Variants in KCNQ5 observed in about 807,000 individuals in gnomAD.
The protein encoded by KCNQ5 is potassium voltage-gated channel subfamily KQT member 5.
Under a neutral mutation model 98.2 loss-of-function variants are expected in KCNQ5, and 30 were observed. That is an observed-to-expected ratio of 0.31 (90% CI 0.23 to 0.41). The LOEUF (loss-of-function observed/expected upper bound fraction) is 0.41, where lower values mean the gene tolerates loss of function less well. KCNQ5 is among the 10% of genes least tolerant of loss of function. KCNQ5 has a pLI of 1.00. For missense variants in KCNQ5, 835 were observed against 1,182.5 expected, an observed-to-expected ratio of 0.71 and a Z score of 4.31; for synonymous variants, 458 against 449.4, an observed-to-expected ratio of 1.02 and a Z score of -0.24.
intron 11 of KCNQ5, among the ~76,000 whole-genome samples, chr6:73,181,640 G>A (rs1050611473): frequency 6.6e-6 from 1 of 152,226 alleles, no homozygotes; most frequent in Non-Finnish European, 1.5e-5. Flanking sequence ...TATGTGCCAG[G>A]CACATGTGAG....
intron 5 of KCNQ5, among the ~76,000 whole-genome samples, chr6:73,080,040 T>C (rs1343277330): frequency 1.3e-5 from 2 of 152,220 alleles, no homozygotes; most frequent in East Asian, 3.8e-4. Flanking sequence ...TTATCTTTCT[T>C]TTTATTAGTC....
chr6:72,812,494 A>G (rs1479373797), intron 1 of KCNQ5, among the ~76,000 whole-genome samples: 2 of 152,364 alleles, frequency 1.3e-5, no homozygotes, highest in South Asian at 2.1e-4. Context: ...TAATTTTAGG[A>G]TGGATTTAAT....
At chr6:73,158,254 ATTTTTT>A in intron 10 of KCNQ5, 2 of 22,722 alleles carry the variant, frequency 8.8e-5, no homozygotes, top group Non-Finnish European at 1.3e-4. Flanking sequence ...ATTTTGGAAG[ATTTTTT>A]TTTTTTTTTT....
chr6:73,041,422 A>T (rs1047848436), intron 2 of KCNQ5, among the ~76,000 whole-genome samples: 5 of 152,160 alleles, frequency 3.3e-5, no homozygotes, highest in Non-Finnish European at 7.4e-5. Context: ...TTATAAGGAG[A>T]TTTTGACACT....
intron 1 of KCNQ5, among the ~76,000 whole-genome samples, chr6:72,702,752 A>C (rs919768515): frequency 2.0e-5 from 3 of 152,146 alleles, no homozygotes; most frequent in South Asian, 2.1e-4. Context: ...CAATTGATTT[A>C]AAAAAATGGC....
At chr6:73,118,267 A>G (rs1775591421) in intron 7 of KCNQ5, among the ~76,000 whole-genome samples, 1 of 152,204 alleles carries the variant, frequency 6.6e-6, no homozygotes, top group Admixed American at 6.5e-5. Flanking sequence ...CGTTATGGAA[A>G]TGTACTCCTT....
chr6:73,195,087 G>A lies in KCNQ5; in HGVS notation c.2472G>A (p.Lys824=), dbSNP rs1765738548. The change falls in exon 14 of 14, where the codon AAG becomes AAA. Residue 824 remains lysine, a synonymous_variant. Coordinates refer to ENST00000370398, the MANE Select transcript of KCNQ5 (RefSeq NM_019842.4). ...TGTCTGTCTGTCCCATGGTGCCGAAGGACTTGGGCAAATCTTTGTCTGTGC... is the reference window on the plus strand; with the variant it reads ...TGTCTGTCTGTCCCATGGTGCCGAAAGACTTGGGCAAATCTTTGTCTGTGC... ...TLLSVCPMVP[K]DLGKSLSVQN... is the part of the protein sequence containing the mutation. The A allele has an allele frequency of 1.2e-6, 2 of 1,614,094 alleles. No individual in the cohort carries two copies. The highest frequency in any genetic ancestry group is 1.1e-5 in the South Asian group (1 of 91,082).
At chr6:73,165,802 GT>G (rs1562215802) in intron 10 of KCNQ5, among the ~76,000 whole-genome samples, 5 of 151,896 alleles carry the variant, frequency 3.3e-5, no homozygotes, top group African/African-American at 1.2e-4. Flanking sequence ...AAAATTAGCC[GT>G]GTGTGGTGGT....
At chr6:72,986,762 A>G in intron 1 of KCNQ5, 2 of 1,482,196 alleles carry the variant, frequency 1.3e-6, no homozygotes, top group Non-Finnish European at 1.9e-6. Flanking sequence ...CCCAGACCCC[A>G]GACAGGGTGA....
intron 1 of KCNQ5, among the ~76,000 whole-genome samples, chr6:72,673,205 A>G (rs1034574399): frequency 6.6e-6 from 1 of 152,060 alleles, no homozygotes; most frequent in African/African-American, 2.4e-5. Context: ...CCACCCCTTC[A>G]GCTTTGTGCT....
At chr6:73,008,934 A>C (rs984845485) in intron 2 of KCNQ5, among the ~76,000 whole-genome samples, 1 of 152,230 alleles carries the variant, frequency 6.6e-6, no homozygotes, top group Non-Finnish European at 1.5e-5. Context: ...GGATGAAGTT[A>C]AATATCAATA....
At position 72,622,682 on chromosome 6, in the gene KCNQ5, G is replaced by A; in HGVS notation, c.398+95G>A. 1 of 1,394,710 alleles carries A rather than the reference G, an allele frequency of 7.2e-7. No individual in the cohort carries two copies. The highest frequency in any genetic ancestry group is 9.8e-7 in the Non-Finnish European group (1 of 1,015,556). The allele number at this position is 1,394,710 out of a possible 1,614,324, so 86.4% of individuals were successfully genotyped here. Reference sequence around the variant, plus strand: ...CGCGCTCGCGCCCTTGGGCCCCCGCGCGCGTGCACACGTGGTGGCTTTTAT... The same window carrying A: ...CGCGCTCGCGCCCTTGGGCCCCCGCACGCGTGCACACGTGGTGGCTTTTAT... On this transcript the variant is annotated intron_variant, in intron 1 of 13. Coordinates refer to ENST00000370398, the MANE Select transcript of KCNQ5 (RefSeq NM_019842.4). The surrounding 1 kb of genome is among the most constrained non-coding windows in gnomAD (Gnocchi z 6.0).
intron 1 of KCNQ5, among the ~76,000 whole-genome samples, chr6:72,815,379 G>A (rs1775458602): frequency 6.6e-6 from 1 of 152,204 alleles, no homozygotes; most frequent in South Asian, 2.1e-4. Context: ...AGAGATGAAG[G>A]AAAGATGTGG....
intron 1 of KCNQ5, among the ~76,000 whole-genome samples, chr6:72,782,375 G>A (rs916047364): frequency 2.0e-5 from 3 of 152,078 alleles, no homozygotes; most frequent in South Asian, 2.1e-4. Flanking sequence ...CCCACACAGC[G>A]CAGTTCATTT....
intron 1 of KCNQ5, among the ~76,000 whole-genome samples, chr6:72,703,122 T>A (rs2154474722): frequency 6.6e-6 from 1 of 152,348 alleles, no homozygotes; most frequent in South Asian, 2.1e-4. Context: ...GACAAGCTTT[T>A]ATTAGAGCAG....
intron 1 of KCNQ5, among the ~76,000 whole-genome samples, chr6:72,933,196 C>T (rs546253021): frequency 7.2e-5 from 11 of 152,114 alleles, no homozygotes; most frequent in Non-Finnish European, 1.3e-4. Flanking sequence ...CTGGACAGAA[C>T]TTACCATGTT....
rs76246211 is a variant in KCNQ5, at chr6:72,862,090, C to T, written c.399-141818C>T. Among the ~76,000 whole-genome samples the T allele has an allele frequency of 3.1e-3, 466 of 152,254 alleles. 2 individuals are homozygous for T. The highest frequency in any genetic ancestry group is 0.011 in the African/African-American group (456 of 41,528). Reference sequence around the variant, plus strand: ...TATGTGAACTTTCAAACCAAACTCCCACAGGCAAGTTAACTGACTCCTGTC... The same window carrying T: ...TATGTGAACTTTCAAACCAAACTCCTACAGGCAAGTTAACTGACTCCTGTC... On this transcript the variant is annotated intron_variant, in intron 1 of 13. Transcript: ENST00000370398.
chr6:72,653,097 T>C (rs1312421513), intron 1 of KCNQ5, among the ~76,000 whole-genome samples: 1 of 151,348 alleles, frequency 6.6e-6, no homozygotes, highest in Non-Finnish European at 1.5e-5. Context: ...GTGGCTTTCA[T>C]TTTTTTTTAA....
intron 7 of KCNQ5, among the ~76,000 whole-genome samples, chr6:73,118,891 C>T (rs1038731863): frequency 2.6e-5 from 4 of 152,042 alleles, no homozygotes; most frequent in African/African-American, 4.8e-5. Context: ...TGTGGTGGTG[C>T]GTGCCTGTAG....
Sources: gnomAD v4.1 joint callset for allele counts (sites outside exome capture counted in the v4.1 genomes callset) on GRCh38, gnomAD v4.1.1 for gene constraint, Gnocchi (gnomAD v3.1) non-coding constraint, MANE v1.5 for transcripts, NCBI Gene and HGNC (gene_info 2026-07-23, HGNC 2026-07-21) for gene names.